CRYGS: variants seen among roughly 807,000 people sequenced by gnomAD.
CRYGS encodes the protein crystallin gamma S.
A neutral mutation model predicts 21.3 loss-of-function variants in CRYGS; 13 were observed. The ratio of observed to expected loss-of-function variants is 0.61; its 90% CI spans 0.40 to 0.97. The LOEUF (loss-of-function observed/expected upper bound fraction) is 0.97. Ranked by LOEUF, CRYGS falls within the 50% of genes least tolerant of loss-of-function variation. The probability of loss-of-function intolerance (pLI) is 0.00; values close to 1 mark genes in which losing one functional copy is unlikely to be tolerated. For synonymous variants in CRYGS, 67 were observed against 75.0 expected, an observed-to-expected ratio of 0.89 and a Z score of 0.55; for missense variants, 205 against 229.7, an observed-to-expected ratio of 0.89 and a Z score of 0.69.
chr3:186,539,704 T>C, intron 1 of CRYGS, 107 bp from the exon 2 acceptor site: 2 of 1,387,790 alleles, frequency 1.4e-6, no homozygotes, highest in Non-Finnish European at 2.0e-6. Context: ...TCACCTCAAT[T>C]TTGAGGAAAA....
At chr3:186,539,320 G>T (rs1216148670) in intron 2 of CRYGS, 35 bp downstream of exon 2, 1 of 1,611,762 alleles carries the variant, frequency 6.2e-7, no homozygotes, top group South Asian at 1.1e-5. Context: ...CAGAGGGCGT[G>T]GGAAACAGAG....
chr3:186,544,265 G>A (rs1176844733), intron 1 of CRYGS, 41 bp downstream of exon 1: 8 of 1,475,660 alleles, frequency 5.4e-6, no homozygotes, highest in Middle Eastern at 1.7e-4. Flanking sequence ...TGCATCATTA[G>A]GTGAAAAGCG....
At chr3:186,543,102 T>C (rs748763703) in intron 1 of CRYGS, among the ~76,000 whole-genome samples, 1 of 152,090 alleles carries the variant, frequency 6.6e-6, no homozygotes, top group African/African-American at 2.4e-5. Flanking sequence ...AATCTAAACA[T>C]GAGGAAACAA....
At chr3:186,539,245 C>A in intron 2 of CRYGS, 110 bp downstream of exon 2, 1 of 1,459,974 alleles carries the variant, frequency 6.8e-7, no homozygotes, top group Non-Finnish European at 9.5e-7. Context: ...AGCCAACAAG[C>A]AGCTACTCAT....
intron 1 of CRYGS, among the ~76,000 whole-genome samples, chr3:186,541,844 A>C (rs974187793): frequency 7.2e-5 from 11 of 152,214 alleles, no homozygotes; most frequent in African/African-American, 2.7e-4. Context: ...TTAACATGGC[A>C]GCACTTACTC....
chr3:186,539,855 C>T (rs1578956982), intron 1 of CRYGS: 1 of 442,536 alleles, frequency 2.3e-6, no homozygotes, highest in East Asian at 4.6e-5. Flanking sequence ...GTCTCAGACT[C>T]AAGTTCATTT....
chr3:186,543,281 G>C (rs1176967483), intron 1 of CRYGS, among the ~76,000 whole-genome samples: 1 of 152,126 alleles, frequency 6.6e-6, no homozygotes, highest in Non-Finnish European at 1.5e-5. Flanking sequence ...TTTTTCACTG[G>C]ATCCTGTATT....
chr3:186,539,056 T>TGGA (rs1160628893), intron 2 of CRYGS, 88 bp from the exon 3 acceptor site: 1 of 1,465,144 alleles, frequency 6.8e-7, no homozygotes, highest in African/African-American at 1.4e-5. Flanking sequence ...GCTCAGAACT[T>TGGA]ATCACCTTGA....
chr3:186,539,335 TAC>T lies in CRYGS; in HGVS notation c.264+18_264+19del. 2 of 1,611,746 alleles carry T rather than the reference TAC, an allele frequency of 1.2e-6. No homozygotes were observed. The highest frequency in any genetic ancestry group is 1.7e-6 in the Non-Finnish European group (2 of 1,179,884). On this transcript the variant is annotated intron_variant, in intron 2 of 2. Coordinates refer to ENST00000307944, the MANE Select transcript of CRYGS (RefSeq NM_017541.4). Reference sequence around the variant, plus strand: ...CAGAGGGCGTGGGAAACAGAGGGAGTACACAGTCCCCAGACTCACCAGATGAA... The same window carrying T: ...CAGAGGGCGTGGGAAACAGAGGGAGTACAGTCCCCAGACTCACCAGATGAA...
At chr3:186,543,028 C>T (rs1205822227) in intron 1 of CRYGS, among the ~76,000 whole-genome samples, 1 of 152,082 alleles carries the variant, frequency 6.6e-6, no homozygotes, top group Non-Finnish European at 1.5e-5. Context: ...TACCTTCTGA[C>T]CTGATGCAAC....
intron 1 of CRYGS, among the ~76,000 whole-genome samples, chr3:186,543,603 TTG>T (rs1714118284): frequency 6.6e-6 from 1 of 152,200 alleles, no homozygotes; most frequent in African/African-American, 2.4e-5. Context: ...CAACATTTCT[TTG>T]CCATTCTTTG....
At chr3:186,539,850 A>C (rs1714018100) in intron 1 of CRYGS, 1 of 454,750 alleles carries the variant, frequency 2.2e-6, no homozygotes, top group Non-Finnish European at 4.1e-6. Context: ...GAGCAGTCTC[A>C]GACTCAAGTT....
At position 186,538,829 on chromosome 3, in the gene CRYGS, C is replaced by A; in HGVS notation, c.404G>T (p.Gly135Val). 1 of 1,614,144 alleles carries A rather than the reference C, an allele frequency of 6.2e-7. No homozygotes were observed. Among genetic ancestry groups the A allele is most frequent in the Non-Finnish European group, 8.5e-7 (1 of 1,180,032 alleles). ...REIHSCKVLE[G>V]VWIFYELPNY... ...GGGTAGCTCATAGAAAATCCAGACACCCTCCAGCACCTTACAGGAGTGGAT... is the reference window on the plus strand; with the variant it reads ...GGGTAGCTCATAGAAAATCCAGACAACCTCCAGCACCTTACAGGAGTGGAT... Residue 135 changes from glycine (G) to valine (V), a missense_variant, in exon 3 of 3, where the codon GGT (glycine) becomes GTT (valine). Coordinates refer to ENST00000307944, the MANE Select transcript of CRYGS (RefSeq NM_017541.4).
intron 2 of CRYGS, 37 bp downstream of exon 2, chr3:186,539,318 G>T (rs568263645): frequency 3.1e-6 from 5 of 1,611,712 alleles, no homozygotes; most frequent in Non-Finnish European, 4.2e-6. Context: ...GACAGAGGGC[G>T]TGGGAAACAG....
intron 2 of CRYGS, among the ~76,000 whole-genome samples, 174 bp from the exon 3 acceptor site, chr3:186,539,142 C>A (rs1365166387): frequency 6.6e-6 from 1 of 152,150 alleles, no homozygotes; most frequent in Non-Finnish European, 1.5e-5. Context: ...AAAATTAATT[C>A]TTCAAAACAC....
chr3:186,542,193 CAGG>C (rs1343884530), intron 1 of CRYGS, among the ~76,000 whole-genome samples: 1 of 152,230 alleles, frequency 6.6e-6, no homozygotes, highest in Non-Finnish European at 1.5e-5. Context: ...TCCACCCTCC[CAGG>C]AGACCAGCCA....
intron 1 of CRYGS, among the ~76,000 whole-genome samples, chr3:186,542,548 C>T (rs978224778): frequency 1.4e-4 from 22 of 152,094 alleles, no homozygotes; most frequent in African/African-American, 5.3e-4. Flanking sequence ...TCTTGAGTAT[C>T]CCAGAAGTAA....
chr3:186,539,812 C>G (rs1282890556), intron 1 of CRYGS: 1 of 544,178 alleles, frequency 1.8e-6, no homozygotes, highest in East Asian at 3.4e-5. Context: ...GAACATGAAG[C>G]AAAACAGAAG....
intron 1 of CRYGS, 78 bp from the exon 2 acceptor site, chr3:186,539,675 C>T (rs1714014015): frequency 6.4e-7 from 1 of 1,558,448 alleles, no homozygotes; most frequent in African/African-American, 1.4e-5. Flanking sequence ...GAACATAATG[C>T]CTACTTTAGA....
Sources: gnomAD v4.1 joint callset for allele counts (sites outside exome capture counted in the v4.1 genomes callset) on GRCh38, gnomAD v4.1.1 for gene constraint, MANE v1.5 for transcripts, NCBI Gene and HGNC (gene_info 2026-07-23, HGNC 2026-07-21) for gene names.